SDK2: variants seen among roughly 807,000 people sequenced by gnomAD.
SDK2 encodes the protein sidekick cell adhesion molecule 2, also known as protein sidekick-2.
A neutral mutation model predicts 253.9 loss-of-function variants in SDK2; 105 were observed. The ratio of observed to expected loss-of-function variants is 0.41; its 90% CI spans 0.35 to 0.49. The LOEUF is 0.49. Ranked by LOEUF, SDK2 falls within the 20% of genes least tolerant of loss-of-function variation. SDK2 has a pLI of 0.06. For missense variants in SDK2, 2,608 were observed against 3,003.0 expected, an observed-to-expected ratio of 0.87 and a Z score of 3.07; for synonymous variants, 1,249 against 1,234.9, an observed-to-expected ratio of 1.01 and a Z score of -0.24.
At chr17:73,387,495 C>A (rs896536998) in intron 30 of SDK2, among the ~76,000 whole-genome samples, 4 of 152,192 alleles carry the variant, frequency 2.6e-5, no homozygotes, top group Admixed American at 6.5e-5. Flanking sequence ...AGTGACGCTC[C>A]ACTCCCCTAT....
intron 3 of SDK2, among the ~76,000 whole-genome samples, chr17:73,470,617 T>C (rs187890698): frequency 1.2e-3 from 181 of 152,384 alleles, no homozygotes; most frequent in African/African-American, 4.0e-3. Flanking sequence ...TTGCCGTTAG[T>C]GCTGATTTAT....
Position 73,559,753 on chromosome 17 carries a change from C to T in SDK2, c.65-52156G>A, listed in dbSNP as rs553252734. On this transcript the variant is annotated intron_variant, in intron 1 of 44. Coordinates refer to ENST00000392650, the MANE Select transcript of SDK2 (RefSeq NM_001144952.2). Reference sequence around the variant, plus strand: ...TTCTTTTCTTCCCTACCTCCCTGTCCTGCTAGAGACAAGTGCCCCTAATGC... The same window carrying T: ...TTCTTTTCTTCCCTACCTCCCTGTCTTGCTAGAGACAAGTGCCCCTAATGC... Among the ~76,000 whole-genome samples the T allele has an allele frequency of 2.6e-4, 39 of 152,284 alleles. 1 individual carries two copies. The highest frequency in any genetic ancestry group is 8.9e-4 in the African/African-American group (37 of 41,544).
At chr17:73,453,918 T>G (rs2063505470) in intron 4 of SDK2, among the ~76,000 whole-genome samples, 1 of 152,216 alleles carries the variant, frequency 6.6e-6, no homozygotes, top group Admixed American at 6.5e-5. Context: ...ATGATGCTGG[T>G]TCTATAAGAT....
chr17:73,492,850 AG>A (rs1036588224), intron 2 of SDK2, among the ~76,000 whole-genome samples: 10 of 152,140 alleles, frequency 6.6e-5, no homozygotes, highest in Non-Finnish European at 1.3e-4. Context: ...GCGCCACGGC[AG>A]CCCCCAGGAA....
chr17:73,551,458 G>A (rs999396831), intron 1 of SDK2, among the ~76,000 whole-genome samples: 16 of 152,248 alleles, frequency 1.1e-4, no homozygotes, highest in Non-Finnish European at 2.1e-4. Flanking sequence ...CAGGAATGGG[G>A]AGGGGGCGGA....
intron 2 of SDK2, among the ~76,000 whole-genome samples, chr17:73,505,064 C>T (rs532473871): frequency 2.4e-4 from 37 of 152,310 alleles, no homozygotes; most frequent in African/African-American, 8.4e-4. Context: ...TCATCTATTT[C>T]CCTTGAATAA....
intron 2 of SDK2, 87 bp from the exon 3 acceptor site, chr17:73,472,305 C>T (rs910380154): frequency 8.2e-6 from 7 of 849,148 alleles, no homozygotes; most frequent in Admixed American, 2.1e-5. Flanking sequence ...CAGAGGTCGC[C>T]AGGTCACCCT....
rs751953509 is a variant in SDK2, at chr17:73,348,629, C to A, written c.6135G>T (p.Thr2045=). 7.4e-6 allele frequency: 12 copies of A among 1,612,986 alleles called. No individual in the cohort carries two copies. In the Admixed American group the frequency reaches 1.0e-4, roughly 13 times the overall value. The stretch of plus-strand genomic sequence containing the variant: ...AGTCGGAGATTTCTGAGGGCTTCTC[C>A]GTCAGGCTGCTGCTCTCTGCAGGGA... ...DLIPAESSSL[T]EKPSEISDSQ... Residue 2045 remains threonine, a synonymous_variant, in exon 44 of 45, where the codon ACG becomes ACT. Transcript: ENST00000392650.
chr17:73,371,074 T>C (rs550025768), intron 36 of SDK2, among the ~76,000 whole-genome samples: 2 of 151,974 alleles, frequency 1.3e-5, no homozygotes, highest in African/African-American at 4.8e-5. Flanking sequence ...TAAAATAACA[T>C]AAAAATAACG....
rs1040576962 is a variant in SDK2, at chr17:73,409,413, G to A, written c.2484+5231C>T. ...GGAGAATCACTTGAGCCCAGGAGGC[G>A]GAGGTTGCAGTGAGCCGAGATCCAA... On this transcript the variant is annotated intron_variant, in intron 18 of 44. Transcript: ENST00000392650. 6.6e-5 allele frequency among the ~76,000 whole-genome samples: 10 copies of A among 151,972 alleles called. No individual in the cohort carries two copies. In the East Asian group the frequency reaches 1.2e-3, roughly 18 times the overall value.
intron 2 of SDK2, among the ~76,000 whole-genome samples, chr17:73,505,108 T>C (rs1299591080): frequency 6.6e-6 from 1 of 152,228 alleles, no homozygotes; most frequent in Non-Finnish European, 1.5e-5. Flanking sequence ...ATGGAGTATC[T>C]GCATTCTCCC....
Position 73,616,812 on chromosome 17 carries a change from C to T in SDK2, c.64+27213G>A, listed in dbSNP as rs1599729496. Among the ~76,000 whole-genome samples the T allele has an allele frequency of 1.3e-5, 2 of 152,200 alleles. No homozygotes were observed. Among genetic ancestry groups the T allele is most frequent in the Admixed American group, 1.3e-4 (2 of 15,300 alleles). ...TGTGCGCATTCCCACCATGAGATGC[C>T]TGGGGAAGGGGTCAGATTCCAGGGC... is the stretch of plus-strand genomic sequence containing the variant. On this transcript the variant is annotated intron_variant, in intron 1 of 44. Transcript: ENST00000392650. The surrounding 1 kb of genome is among the most constrained non-coding windows in gnomAD (Gnocchi z 5.2).
intron 44 of SDK2, among the ~76,000 whole-genome samples, chr17:73,342,525 T>G (rs764511063): frequency 5.9e-5 from 9 of 152,124 alleles, no homozygotes; most frequent in Admixed American, 6.5e-5. Flanking sequence ...GGTCTGTGAA[T>G]GCGGGGGACC....
chr17:73,497,203 T>C (rs1278643620), intron 2 of SDK2, among the ~76,000 whole-genome samples: 1 of 152,226 alleles, frequency 6.6e-6, no homozygotes, highest in East Asian at 1.9e-4. Flanking sequence ...CAGCCTGAGC[T>C]CATGATTTTG....
At chr17:73,565,947 C>T (rs1361159775) in intron 1 of SDK2, among the ~76,000 whole-genome samples, 1 of 152,242 alleles carries the variant, frequency 6.6e-6, no homozygotes, top group Non-Finnish European at 1.5e-5. Context: ...CCTCAGCCTC[C>T]TGAGTAGCTG....
intron 2 of SDK2, among the ~76,000 whole-genome samples, chr17:73,505,883 G>C (rs1409448668): frequency 6.6e-6 from 1 of 152,236 alleles, no homozygotes; most frequent in Non-Finnish European, 1.5e-5. Flanking sequence ...AGGGCTGACT[G>C]TTTTCAAAGG....
Position 73,338,093 on chromosome 17 carries a change from A to C in SDK2, c.*494T>G. 1 of 245,398 alleles carries C rather than the reference A, an allele frequency of 4.1e-6. No homozygotes were observed. The highest frequency in any genetic ancestry group is 4.2e-5 in the South Asian group (1 of 23,582). 15.2% of individuals were successfully genotyped at this position (245,398 alleles called of 1,614,324 possible). On this transcript the variant is annotated 3_prime_UTR_variant, in exon 45 of 45. Coordinates refer to ENST00000392650, the MANE Select transcript of SDK2 (RefSeq NM_001144952.2). The surrounding 1 kb of genome is among the most constrained non-coding windows in gnomAD (Gnocchi z 5.0). Reference sequence around the variant, plus strand: ...ATGGTGCATGGAGGGAAGGAGGAGCAGAGAGAGAAGATAGGCGTGGCCTCC... The same window carrying C: ...ATGGTGCATGGAGGGAAGGAGGAGCCGAGAGAGAAGATAGGCGTGGCCTCC...
intron 1 of SDK2, among the ~76,000 whole-genome samples, chr17:73,589,836 C>T (rs2045657831): frequency 6.6e-6 from 1 of 152,270 alleles, no homozygotes; most frequent in Non-Finnish European, 1.5e-5. Context: ...GCAGGTGTTA[C>T]AGAGGTGCTG....
chr17:73,483,474 A>G, intron 2 of SDK2, among the ~76,000 whole-genome samples: 1 of 129,506 alleles, frequency 7.7e-6, no homozygotes, highest in South Asian at 2.6e-4. Context: ...ACACCTGGCT[A>G]ATCTTTGTGT....
Sources: gnomAD v4.1 joint callset for allele counts (sites outside exome capture counted in the v4.1 genomes callset) on GRCh38, gnomAD v4.1.1 for gene constraint, Gnocchi (gnomAD v3.1) non-coding constraint, MANE v1.5 for transcripts, NCBI Gene and HGNC (gene_info 2026-07-23, HGNC 2026-07-21) for gene names.